HERC2: variants seen among roughly 807,000 people sequenced by gnomAD.
The protein encoded by HERC2 is HECT and RLD domain containing E3 ubiquitin protein ligase 2.
Under a neutral mutation model 537.7 loss-of-function variants are expected in HERC2, and 102 were observed. The observed-to-expected ratio is 0.19, with a 90% CI of 0.16 to 0.22. The LOEUF (loss-of-function observed/expected upper bound fraction) is 0.22, where lower values mean the gene tolerates loss of function less well. Among genes scored for constraint, HERC2 ranks in the 10% least tolerant of loss-of-function variants. The pLI, the probability that HERC2 is intolerant of heterozygous loss-of-function variation, is 1.00. For missense variants in HERC2, 4,236 were observed against 6,198.2 expected (o/e 0.68, Z 10.63); for synonymous variants, 2,224 against 2,466.2 (o/e 0.90, Z 2.91).
chr15:28,320,554 CT>C (rs2077203322), intron 2 of HERC2: 2 of 152,138 alleles, frequency 1.3e-5, no homozygotes, highest in Admixed American at 1.3e-4. Context: ...GCCTACACGA[CT>C]TTTGATGAAC....
At chr15:28,303,572 C>G (rs1042990427) in intron 2 of HERC2, among the ~76,000 whole-genome samples, 1 of 150,816 alleles carries the variant, frequency 6.6e-6, no homozygotes, top group Non-Finnish European at 1.5e-5. Context: ...TTTTTTTTTT[C>G]TATTTCTGTG....
rs1220904367 is a variant in HERC2, at chr15:28,111,668, T to G, written c.*95A>C. The stretch of plus-strand genomic sequence containing the variant: ...CCCGCCTGGCTCGAGGACGGACGCT[T>G]CTCATCAGACACACCAGGCAGCCTA... On this transcript the variant is annotated 3_prime_UTR_variant, in exon 93 of 93. Transcript: ENST00000261609. 2 of 1,373,252 alleles carry G rather than the reference T, an allele frequency of 1.5e-6. No individual in the cohort carries two copies. The highest frequency in any genetic ancestry group is 2.9e-5 in the African/African-American group (2 of 69,408). The allele number at this position is 1,373,252 out of a possible 1,614,324, so 85.1% of individuals were successfully genotyped here.
In HERC2 at chr15:28,118,576, A is replaced by C. The variant is rs558802873; in HGVS notation, c.13273-1422T>G. On this transcript the variant is annotated intron_variant, in intron 86 of 92. Transcript: ENST00000261609. ...AAACTAAATAAAATTCCCAACAAAC[A>C]AAACCTTCCAGTAAGATGACCTGTG... 2.0e-5 allele frequency among the ~76,000 whole-genome samples: 3 copies of C among 152,362 alleles called. No individual in the cohort carries two copies. The East Asian group carries it at 5.8e-4, about 29-fold the overall frequency.
intron 71 of HERC2, 118 bp from the exon 72 acceptor site, chr15:28,144,922 C>T: frequency 8.1e-7 from 1 of 1,235,716 alleles, no homozygotes. Context: ...TTCCTCCAAT[C>T]CAAGCTCTCC....
chr15:28,111,895 T>C lies in HERC2; in HGVS notation c.14373A>G (p.Ile4791Met). 1.9e-6 allele frequency: 3 copies of C among 1,614,234 alleles called. No homozygotes were observed. The highest frequency in any genetic ancestry group is 2.5e-6 in the Non-Finnish European group (3 of 1,180,046). ...LKYAIHFCKS[I>M]DTDDYARIAL... The stretch of plus-strand genomic sequence containing the variant: ...CGATGCGAGCGTAGTCATCTGTGTC[T>C]ATGGACTTGCAGAAGTGGATGGCGT... Residue 4791 changes from isoleucine to methionine, a missense_variant, in exon 93 of 93, where the codon ATA becomes ATG. By Grantham distance (10) the Ile-to-Met change is conservative (BLOSUM62 1). Coordinates refer to ENST00000261609, the MANE Select transcript of HERC2 (RefSeq NM_004667.6).
rs773926105 is a variant in HERC2, at chr15:28,274,461, C to G, written c.644-14G>C. 1.9e-5 allele frequency: 30 copies of G among 1,598,324 alleles called. No homozygotes were observed. Among genetic ancestry groups the G allele is most frequent in the Non-Finnish European group, 2.4e-5 (28 of 1,173,040 alleles). ...CCGCATCCTCGCCTGGGCGCACACA[C>G]GCGTCAGAGGAGCCCCCCCACTCCC... On this transcript the variant is annotated splice_polypyrimidine_tract_variant and intron_variant, in intron 6 of 92. Transcript: ENST00000261609.
chr15:28,261,167 G>A (rs542446669), intron 15 of HERC2, among the ~76,000 whole-genome samples, 197 bp from the exon 16 acceptor site: 8 of 152,130 alleles, frequency 5.3e-5, no homozygotes, highest in Admixed American at 4.6e-4. Context: ...GCTACAATTC[G>A]TTAGGACCCA....
At chr15:28,128,880 G>A (rs1335097966) in intron 83 of HERC2, among the ~76,000 whole-genome samples, 1 of 152,104 alleles carries the variant, frequency 6.6e-6, no homozygotes, top group Non-Finnish European at 1.5e-5. Flanking sequence ...CAGCTTCCAG[G>A]GGCCACCCCA....
At chr15:28,151,786 C>T (rs530487730) in intron 70 of HERC2, among the ~76,000 whole-genome samples, 3 of 151,662 alleles carry the variant, frequency 2.0e-5, no homozygotes, top group East Asian at 3.9e-4. Context: ...AAAAACAGGT[C>T]ACCTTCAAGA....
At chr15:28,191,285 T>C (rs1896831829) in intron 53 of HERC2, 41 bp from the exon 54 acceptor site, 1 of 1,334,066 alleles carries the variant, frequency 7.5e-7, no homozygotes, top group African/African-American at 1.5e-5. Context: ...GTTAGCAAAA[T>C]TCAGCTATAT....
intron 57 of HERC2, among the ~76,000 whole-genome samples, chr15:28,180,323 A>G (rs1895706886): frequency 6.6e-6 from 1 of 152,222 alleles, no homozygotes; most frequent in Non-Finnish European, 1.5e-5. Context: ...CTTTGTGTTA[A>G]GTACACTCTA....
At chr15:28,231,118 T>C (rs1262043677) in intron 30 of HERC2, among the ~76,000 whole-genome samples, 1 of 152,166 alleles carries the variant, frequency 6.6e-6, no homozygotes, top group Non-Finnish European at 1.5e-5. Flanking sequence ...TATGTGGAAT[T>C]TCCTCCCTAT....
intron 8 of HERC2, 47 bp downstream of exon 8, chr15:28,272,847 A>T (rs755710776): frequency 7.8e-7 from 1 of 1,285,886 alleles, no homozygotes; most frequent in Admixed American, 1.7e-5. Context: ...AGGTATTTCC[A>T]TACACAGGCG....
chr15:28,240,894 T>C (rs1903041631), intron 23 of HERC2, among the ~76,000 whole-genome samples: 1 of 151,978 alleles, frequency 6.6e-6, no homozygotes, highest in Non-Finnish European at 1.5e-5. Flanking sequence ...AAAAACTAAC[T>C]CAAAATGGAT....
intron 23 of HERC2, among the ~76,000 whole-genome samples, chr15:28,240,140 A>C (rs1441337912): frequency 3.3e-5 from 5 of 152,076 alleles, no homozygotes; most frequent in African/African-American, 1.2e-4. Context: ...ATCCAATCAG[A>C]GGGCGCAGTG....
chr15:28,183,055 T>C (rs2140202402), intron 56 of HERC2, among the ~76,000 whole-genome samples: 1 of 152,298 alleles, frequency 6.6e-6, no homozygotes, highest in Middle Eastern at 3.4e-3. Flanking sequence ...TGCTTCTCTC[T>C]TCCTTTATAC....
chr15:28,186,275 C>G (rs1896300399), intron 56 of HERC2, among the ~76,000 whole-genome samples: 2 of 151,690 alleles, frequency 1.3e-5, no homozygotes, highest in Admixed American at 6.6e-5. Flanking sequence ...AATTTAGTAA[C>G]AGAAAAAAAG....
intron 68 of HERC2, 95 bp downstream of exon 68, chr15:28,167,592 G>T: frequency 6.9e-7 from 1 of 1,452,840 alleles, no homozygotes; most frequent in Non-Finnish European, 9.6e-7. Context: ...AATGGGATAG[G>T]AATAGACTGT....
intron 52 of HERC2, among the ~76,000 whole-genome samples, chr15:28,194,039 G>A (rs961504545): frequency 6.6e-6 from 1 of 150,632 alleles, no homozygotes; most frequent in African/African-American, 2.4e-5. Context: ...ATCATCACAT[G>A]CCCCACATGT....
Sources: gnomAD v4.1 joint callset for allele counts (sites outside exome capture counted in the v4.1 genomes callset) on GRCh38, gnomAD v4.1.1 for gene constraint, MANE v1.5 for transcripts, NCBI Gene and HGNC (gene_info 2026-07-23, HGNC 2026-07-21) for gene names.